The following TRIM46 variants were observed in gnomAD, a reference collection of about 807,000 sequenced individuals.
The protein encoded by TRIM46 is tripartite motif-containing protein 46.
In TRIM46, 17 loss-of-function variants were observed where a neutral mutation model predicts 69.7. The observed-to-expected ratio is 0.24, with a 90% CI of 0.17 to 0.37. The LOEUF (loss-of-function observed/expected upper bound fraction) is 0.37, where lower values mean the gene tolerates loss of function less well. Among genes scored for constraint, TRIM46 ranks in the 10% least tolerant of loss-of-function variants. The pLI is 1.00. For missense variants in TRIM46, 675 were observed against 1,025.1 expected (o/e 0.66, Z 4.66); for synonymous variants, 391 against 429.0 (o/e 0.91, Z 1.09).
Position 155,184,467 on chromosome 1 carries a change from A to G in TRIM46, c.*277A>G. ...ATGACCTGCCTTTGGCATGTTACCC[A>G]AGCCATGGAGAGAGCCCCTTCTCCA... On this transcript the variant is annotated 3_prime_UTR_variant, in exon 10 of 10. Coordinates refer to ENST00000334634, the MANE Select transcript of TRIM46 (RefSeq NM_025058.5). The surrounding 1 kb of genome is among the most constrained non-coding windows in gnomAD (Gnocchi z 5.6). 2.4e-6 allele frequency: 1 copy of G among 420,266 alleles called. No individual in the cohort carries two copies. Among genetic ancestry groups the G allele is most frequent in the East Asian group, 4.4e-5 (1 of 22,664 alleles). 26.0% of individuals were successfully genotyped at this position (420,266 alleles called of 1,614,324 possible).
chr1:155,174,717 GA>G (rs1665487734), intron 1 of TRIM46: 1 of 1,451,536 alleles, frequency 6.9e-7, no homozygotes, highest in South Asian at 1.4e-5. Flanking sequence ...TTCCGGTGGG[GA>G]GGGGGCGAGT....
rs771891407 is a variant in TRIM46, at chr1:155,175,485, G to A, written c.163G>A (p.Ala55Thr). 3.1e-6 allele frequency: 5 copies of A among 1,614,034 alleles called. No individual in the cohort carries two copies. The Admixed American group carries it at 6.7e-5, about 22-fold the overall frequency. ...GCCCTGTACCCACAACGTGTGCCAGGCCTGTGCCCGAGAGGTCTTGGGCCA... is the reference window on the plus strand; with the variant it reads ...GCCCTGTACCCACAACGTGTGCCAGACCTGTGCCCGAGAGGTCTTGGGCCA... ...VLPCTHNVCQ[A>T]CAREVLGQQG... The change falls in exon 2 of 10, where the codon GCC becomes ACC. Residue 55 changes from alanine to threonine, a missense_variant. Physicochemically the swap from Ala to Thr is moderately conservative, Grantham distance 58 (BLOSUM62 0). Coordinates refer to ENST00000334634, the MANE Select transcript of TRIM46 (RefSeq NM_025058.5). The surrounding 1 kb of genome is among the most constrained non-coding windows in gnomAD (Gnocchi z 4.2).
At chr1:155,174,059 AG>A in intron 1 of TRIM46, 30 bp downstream of exon 1, 1 of 1,550,026 alleles carries the variant, frequency 6.5e-7, no homozygotes, top group Non-Finnish European at 8.7e-7. Flanking sequence ...AGGGAAGGGG[AG>A]GGGGCGTATA....
chr1:155,183,299 A>C (rs145607614), intron 9 of TRIM46, among the ~76,000 whole-genome samples: 1,550 of 151,602 alleles, frequency 0.01, 10 homozygotes, highest in Admixed American at 0.015. Flanking sequence ...ATTTCTTCAA[A>C]ATGCTTTCTC....
rs779977977 is a variant in TRIM46, at chr1:155,175,590, C to A, written c.268C>A (p.Arg90Ser). The A allele has an allele frequency of 1.4e-5, 22 of 1,613,690 alleles. No individual in the cohort carries two copies. Among genetic ancestry groups the A allele is most frequent in the Non-Finnish European group, 1.9e-5 (22 of 1,179,960 alleles). Residue 90 changes from arginine to serine, a missense_variant, in exon 2 of 10, where the codon CGC becomes AGC. Physicochemically the swap from Arg to Ser is moderately radical, Grantham distance 110. This residue lies in a region of TRIM46 where 170 missense variants were observed against 255.6 expected (regional missense o/e 0.67). Transcript: ENST00000334634. The surrounding 1 kb of genome is among the most constrained non-coding windows in gnomAD (Gnocchi z 4.2). The part of the protein sequence containing the change: ...PASTPSTRSP[R>S]LSRRTLPKPD... ...CTCCACCCCTTCCACCCGCAGCCCC[C>A]GCCTCTCCCGCAGAACTCTCCCCAA...
At chr1:155,176,304 T>A (rs1442320057) in intron 3 of TRIM46, 73 bp downstream of exon 3, 10 of 1,417,476 alleles carry the variant, frequency 7.1e-6, no homozygotes, top group Non-Finnish European at 9.5e-6. Context: ...CCTGGCATTG[T>A]GGGTTTCCAA....
chr1:155,175,301 C>T lies in TRIM46; in HGVS notation c.64-85C>T, dbSNP rs1665552333. On this transcript the variant is annotated intron_variant, in intron 1 of 9. Transcript: ENST00000334634. The surrounding 1 kb of genome is among the most constrained non-coding windows in gnomAD (Gnocchi z 4.2). ...GCTTGTCTTGCTCCTTCCTCAGACC[C>T]CTAGGGTATCCAAGGGCAGCCAAGG... 10 of 1,590,230 alleles carry T rather than the reference C, an allele frequency of 6.3e-6. No homozygotes were observed. In the Middle Eastern group the frequency reaches 5.0e-4, roughly 80 times the overall value.
Position 155,178,545 on chromosome 1 carries a change from C to G in TRIM46, c.1217C>G (p.Ser406Cys), listed in dbSNP as rs756091188. ...ACATTCCGGCCAGCTGCCAGCTCCT[C>G]CTTCCGCCATTGCCAGCTCGACGTG... ...LQTFRPAASS[S>C]FRHCQLDVGR... The change falls in exon 7 of 10, where the codon TCC (serine) becomes TGC (cysteine). Residue 406 changes from serine (S) to cysteine (C), a missense_variant. Ser to Cys is a moderately radical substitution (Grantham distance 112). Coordinates refer to ENST00000334634, the MANE Select transcript of TRIM46 (RefSeq NM_025058.5). 6.2e-7 allele frequency: 1 copy of G among 1,614,168 alleles called. No individual in the cohort carries two copies. Among genetic ancestry groups the G allele is most frequent in the Non-Finnish European group, 8.5e-7 (1 of 1,180,040 alleles).
At chr1:155,174,693 GA>G (rs1293258407) in intron 1 of TRIM46, 20 of 1,448,252 alleles carry the variant, frequency 1.4e-5, no homozygotes, top group Non-Finnish European at 1.8e-5. Flanking sequence ...TCGCCACCAA[GA>G]GGGGGAGGGG....
Position 155,177,067 on chromosome 1 carries a change from G to T in TRIM46, c.805G>T (p.Ala269Ser). The T allele has an allele frequency of 6.2e-7, 1 of 1,612,814 alleles. No individual in the cohort carries two copies. Among genetic ancestry groups the T allele is most frequent in the Non-Finnish European group, 8.5e-7 (1 of 1,178,856 alleles). Residue 269 changes from alanine to serine, a missense_variant, in exon 4 of 10, where the codon GCC (alanine) becomes TCC (serine). Around this residue, in one of 5 missense-constraint regions of TRIM46, gnomAD observed 361 missense variants for 498.3 expected, o/e 0.72. Coordinates refer to ENST00000334634, the MANE Select transcript of TRIM46 (RefSeq NM_025058.5). ...CACACCAGTGCTCAGTGCCTACCAG[G>T]CCCTCAAGGTAAGGACCCCCCTTAT... is the stretch of plus-strand genomic sequence containing the variant. Reference protein sequence around the residue: ...KITPVLSAYQALKDKLTKSLT... With the variant: ...KITPVLSAYQSLKDKLTKSLT...
chr1:155,181,967 C>T lies in TRIM46; in HGVS notation c.1704C>T (p.Asp568=), dbSNP rs1171635725. 1 of 1,613,822 alleles carries T rather than the reference C, an allele frequency of 6.2e-7. No homozygotes were observed. Among genetic ancestry groups the T allele is most frequent in the Non-Finnish European group, 8.5e-7 (1 of 1,179,988 alleles). ...VPGLPLLLAA[D]RLLTGCHLSV... is the part of the protein sequence containing the mutation. Reference sequence around the variant, plus strand: ...GGCTGCCCCTGCTGCTGGCTGCTGACCGGCTGCTGACCGGCTGCCACCTGA... The same window carrying T: ...GGCTGCCCCTGCTGCTGGCTGCTGATCGGCTGCTGACCGGCTGCCACCTGA... Residue 568 remains aspartate, a synonymous_variant, in exon 9 of 10, where the codon GAC becomes GAT. Transcript: ENST00000334634. The surrounding 1 kb of genome is among the most constrained non-coding windows in gnomAD (Gnocchi z 4.3).
rs144025654 is a variant in TRIM46, at chr1:155,182,405, T to G, written c.1886+256T>G. Reference sequence around the variant, plus strand: ...GGATGATAGAAGAGGGAGCCATCTCTGCTTCCTTCCAACCATCTGTCACTC... The same window carrying G: ...GGATGATAGAAGAGGGAGCCATCTCGGCTTCCTTCCAACCATCTGTCACTC... On this transcript the variant is annotated intron_variant, in intron 9 of 9. Transcript: ENST00000334634. 790 of 578,100 alleles carry G rather than the reference T, an allele frequency of 1.4e-3. 5 individuals carry two copies. In the African/African-American group the frequency reaches 0.014, roughly 10 times the overall value. 35.8% of individuals were successfully genotyped at this position (578,100 alleles called of 1,614,324 possible).
At chr1:155,178,964 C>T (rs543519803) in intron 7 of TRIM46, 45 of 728,866 alleles carry the variant, frequency 6.2e-5, no homozygotes, top group Admixed American at 2.4e-4. Context: ...TGCCTTGCCC[C>T]GACCTCGTGG....
chr1:155,178,938 G>T, intron 7 of TRIM46: 4 of 960,952 alleles, frequency 4.2e-6, no homozygotes, highest in Non-Finnish European at 5.9e-6. Flanking sequence ...ACCACTCATT[G>T]CTTCCTTCTC....
Position 155,176,092 on chromosome 1 carries a change from C to T in TRIM46, c.530C>T (p.Pro177Leu). Residue 177 changes from proline to leucine, a missense_variant, in exon 3 of 10, where the codon CCC (proline) becomes CTC (leucine). By Grantham distance (98) the Pro-to-Leu change is moderately conservative (BLOSUM62 -3). Coordinates refer to ENST00000334634, the MANE Select transcript of TRIM46 (RefSeq NM_025058.5). Reference sequence around the variant, plus strand: ...GCCATCCTGTGCCAGTTGTGCAAGCCCCCACCACTAGAGGCCACCAAGGGC... The same window carrying T: ...GCCATCCTGTGCCAGTTGTGCAAGCTCCCACCACTAGAGGCCACCAAGGGC... Reference protein sequence around the residue: ...GGAILCQLCKPPPLEATKGCT... With the variant: ...GGAILCQLCKLPPLEATKGCT... 1 of 1,614,114 alleles carries T rather than the reference C, an allele frequency of 6.2e-7. No individual in the cohort carries two copies. Among genetic ancestry groups the T allele is most frequent in the Non-Finnish European group, 8.5e-7 (1 of 1,180,004 alleles).
In TRIM46 at chr1:155,175,261, GA is replaced by G. The variant is rs1019740001; in HGVS notation, c.64-121del. ...GAACCAGCCCAAGGCAGGTGCTCTG[GA>G]AAAGCTGCAGGTAGCTTGTCTTGCT... On this transcript the variant is annotated intron_variant, in intron 1 of 9. Transcript: ENST00000334634. The surrounding 1 kb of genome is among the most constrained non-coding windows in gnomAD (Gnocchi z 4.2). The G allele has an allele frequency of 2.4e-4, 374 of 1,540,814 alleles. 1 individual carries two copies. Among genetic ancestry groups the G allele is most frequent in the Non-Finnish European group, 3.0e-4 (350 of 1,153,412 alleles).
intron 9 of TRIM46, chr1:155,182,810 T>C (rs1014713766): frequency 7.0e-6 from 1 of 143,154 alleles, no homozygotes; most frequent in Non-Finnish European, 1.5e-5. Context: ...GTCATTGCAC[T>C]GCAGCCTGGG....
rs1325203109 is a variant in TRIM46, at chr1:155,184,385, G to T, written c.*195G>T. On this transcript the variant is annotated 3_prime_UTR_variant, in exon 10 of 10. Transcript: ENST00000334634. This position sits in a 1 kb window ranked among gnomAD's most constrained non-coding sequence, Gnocchi z 5.6. Reference sequence around the variant, plus strand: ...TCTCTTCTGCCCACCTCTCTGGATGGCCCCCGTTCTCTCCATTGCTTGTTA... The same window carrying T: ...TCTCTTCTGCCCACCTCTCTGGATGTCCCCCGTTCTCTCCATTGCTTGTTA... The T allele has an allele frequency of 6.7e-5, 43 of 638,038 alleles. No homozygotes were observed. Among genetic ancestry groups the T allele is most frequent in the Non-Finnish European group, 1.1e-4 (42 of 380,302 alleles). The allele number at this position is 638,038 out of a possible 1,614,324, so 39.5% of individuals were successfully genotyped here.
At chr1:155,183,020 C>T (rs1047627943) in intron 9 of TRIM46, among the ~76,000 whole-genome samples, 28 of 150,974 alleles carry the variant, frequency 1.9e-4, no homozygotes, top group African/African-American at 6.5e-4. Flanking sequence ...ACACCATTCT[C>T]CTGCCTCAGC....
Sources: gnomAD v4.1 joint callset for allele counts (sites outside exome capture counted in the v4.1 genomes callset) on GRCh38, gnomAD v4.1.1 for gene constraint, gnomAD v4.1.1 regional missense constraint, Gnocchi (gnomAD v3.1) non-coding constraint, MANE v1.5 for transcripts, NCBI Gene and HGNC (gene_info 2026-07-23, HGNC 2026-07-21) for gene names.